The following NIPSNAP2 variants were observed in gnomAD, a reference collection of about 807,000 sequenced individuals.
NIPSNAP2 encodes protein NipSnap homolog 2.
NIPSNAP2 carries 42 observed loss-of-function variants against 48.4 expected under a neutral mutation model. The observed-to-expected ratio is 0.87, with a 90% CI of 0.68 to 1.12. The LOEUF (loss-of-function observed/expected upper bound fraction) is 1.12. NIPSNAP2 is among the 50% of genes most tolerant of loss of function. The probability of loss-of-function intolerance (pLI) is 0.00; values close to 1 mark genes in which losing one functional copy is unlikely to be tolerated. For synonymous variants in NIPSNAP2, 158 were observed against 126.6 expected (o/e 1.25, Z -1.67); for missense variants, 314 against 347.3 (o/e 0.90, Z 0.76).
At chr7:55,983,019 A>AGT (rs1562765463) in intron 5 of NIPSNAP2, among the ~76,000 whole-genome samples, 97 of 152,240 alleles carry the variant, frequency 6.4e-4, no homozygotes, top group African/African-American at 2.2e-3. Flanking sequence ...GCCACTCGGG[A>AGT]GGCTGAGGCA....
chr7:55,968,749 G>C (rs766861763), intron 1 of NIPSNAP2, among the ~76,000 whole-genome samples: 1 of 152,084 alleles, frequency 6.6e-6, no homozygotes, highest in Non-Finnish European at 1.5e-5. Flanking sequence ...TATAGGGCCG[G>C]GTGTGGTGGT....
intron 1 of NIPSNAP2, among the ~76,000 whole-genome samples, chr7:55,967,371 C>G (rs998629053): frequency 1.3e-5 from 2 of 152,238 alleles, no homozygotes; most frequent in African/African-American, 2.4e-5. Flanking sequence ...AATCCACCCT[C>G]TCCATCTTCA....
At chr7:55,995,993 TTAAC>T (rs1787555327) in intron 8 of NIPSNAP2, among the ~76,000 whole-genome samples, 1 of 151,856 alleles carries the variant, frequency 6.6e-6, no homozygotes, top group Admixed American at 6.6e-5. Flanking sequence ...AAAAATGTAA[TTAAC>T]AAGATATTGG....
chr7:55,985,020 G>T, intron 7 of NIPSNAP2, 142 bp downstream of exon 7: 1 of 621,048 alleles, frequency 1.6e-6, no homozygotes, highest in South Asian at 2.3e-5. Flanking sequence ...TTTTTATTAT[G>T]AGATTTTTCA....
intron 7 of NIPSNAP2, among the ~76,000 whole-genome samples, chr7:55,987,546 T>C (rs573662802): frequency 6.6e-6 from 1 of 152,066 alleles, no homozygotes; most frequent in South Asian, 2.1e-4. Context: ...GAGAATCACT[T>C]GAACCCGGGA....
Position 55,982,712 on chromosome 7 carries a change from A to C in NIPSNAP2, c.444+432A>C, listed in dbSNP as rs113283822. ...GCTTGCAGTGAGCTGAGATTGCGCC[A>C]CTGTACTCCAGCCTGGGCGACAGAG... On this transcript the variant is annotated intron_variant, in intron 5 of 9. Transcript: ENST00000322090. Among the ~76,000 whole-genome samples, 1,392 of 151,322 alleles carry C rather than the reference A, an allele frequency of 9.2e-3. 12 individuals carry two copies. Among genetic ancestry groups the C allele is most frequent in the Middle Eastern group, 0.017 (5 of 290 alleles).
intron 3 of NIPSNAP2, chr7:55,979,238 G>A (rs1165366251): frequency 6.6e-6 from 1 of 152,258 alleles, no homozygotes; most frequent in Non-Finnish European, 1.5e-5. Flanking sequence ...ATTAAAAAAT[G>A]CCCTTAAAAC....
intron 1 of NIPSNAP2, among the ~76,000 whole-genome samples, chr7:55,969,266 G>A (rs1014529128): frequency 2.0e-5 from 3 of 152,044 alleles, no homozygotes; most frequent in Non-Finnish European, 2.9e-5. Flanking sequence ...GTGTGGTGGT[G>A]GGGAGGGGAG....
chr7:55,977,453 G>A (rs62456651), intron 1 of NIPSNAP2, among the ~76,000 whole-genome samples: 27,306 of 151,930 alleles, frequency 0.18, 2,848 homozygotes, highest in Non-Finnish European at 0.23. Context: ...AAGAAAGAAT[G>A]TATTTCATTT....
rs1218671072 is a variant in NIPSNAP2 at position 55,997,463 on chromosome 7, A to G, written c.796+14A>G. On this transcript the variant is annotated intron_variant, in intron 9 of 9. Coordinates refer to ENST00000322090, the MANE Select transcript of NIPSNAP2 (RefSeq NM_001483.3). Reference sequence around the variant, plus strand: ...TATATTACACAGGTAATCTCTTAACAGCCATGAAATATGCTTTTTGTCTTA... The same window carrying G: ...TATATTACACAGGTAATCTCTTAACGGCCATGAAATATGCTTTTTGTCTTA... 1 of 1,585,800 alleles carries G rather than the reference A, an allele frequency of 6.3e-7. No homozygotes were observed. Among genetic ancestry groups the G allele is most frequent in the Non-Finnish European group, 8.7e-7 (1 of 1,154,306 alleles).
chr7:55,981,478 A>G lies in NIPSNAP2; in HGVS notation c.284A>G (p.Glu95Gly). ...CLEAYNKICQ[E>G]VLPKIHEDKH... is the part of the protein sequence containing the mutation. The stretch of plus-strand genomic sequence containing the variant: ...TGCTGTTTCTTCTCTTTAAGTCAAG[A>G]GGTGTTGCCAAAGATTCACGAAGAT... The change falls in exon 4 of 10, where the codon GAG becomes GGG. Residue 95 changes from glutamate (E) to glycine (G), a missense_variant. Around this residue, in one of 2 missense-constraint regions of NIPSNAP2, gnomAD observed 198 missense variants for 185.5 expected, o/e 1.07. Coordinates refer to ENST00000322090, the MANE Select transcript of NIPSNAP2 (RefSeq NM_001483.3). The G allele has an allele frequency of 5.0e-6, 8 of 1,612,974 alleles. No individual in the cohort carries two copies. The highest frequency in any genetic ancestry group is 6.8e-6 in the Non-Finnish European group (8 of 1,179,234).
At chr7:55,971,089 C>T (rs534340496) in intron 1 of NIPSNAP2, among the ~76,000 whole-genome samples, 2 of 152,172 alleles carry the variant, frequency 1.3e-5, no homozygotes, top group Non-Finnish European at 2.9e-5. Context: ...CCTTCCTTAT[C>T]CTCTGGAAAG....
intron 7 of NIPSNAP2, among the ~76,000 whole-genome samples, chr7:55,985,249 G>C (rs1351982794): frequency 1.3e-5 from 2 of 151,960 alleles, no homozygotes; most frequent in Non-Finnish European, 2.9e-5. Flanking sequence ...AACCAATATT[G>C]CATAAGGTTA....
At chr7:55,993,758 T>TA (rs1254562817) in intron 7 of NIPSNAP2, among the ~76,000 whole-genome samples, 1 of 152,162 alleles carries the variant, frequency 6.6e-6, no homozygotes, top group East Asian at 1.9e-4. Context: ...AAAGAGCTGA[T>TA]ACCTTTTGCA....
chr7:55,974,644 C>T (rs1032937459), intron 1 of NIPSNAP2, among the ~76,000 whole-genome samples: 3 of 151,766 alleles, frequency 2.0e-5, no homozygotes, highest in Non-Finnish European at 2.9e-5. Flanking sequence ...GTCAGGAGAT[C>T]GAGACCATCC....
chr7:55,997,882 G>A (rs1027560066), intron 9 of NIPSNAP2, among the ~76,000 whole-genome samples: 5 of 152,276 alleles, frequency 3.3e-5, no homozygotes, highest in South Asian at 2.1e-4. Context: ...TGTACAGTAT[G>A]TATCTGGGTA....
chr7:55,978,451 T>TGAG, intron 3 of NIPSNAP2, 56 bp downstream of exon 3: 1 of 1,400,324 alleles, frequency 7.1e-7, no homozygotes, highest in South Asian at 1.3e-5. Flanking sequence ...TATTTGTTAG[T>TGAG]TAATTCCACT....
chr7:55,987,906 C>T (rs548395919), intron 7 of NIPSNAP2, among the ~76,000 whole-genome samples: 1 of 152,214 alleles, frequency 6.6e-6, no homozygotes, highest in East Asian at 1.9e-4. Flanking sequence ...ATATACTGGA[C>T]ACTGCATAAA....
At chr7:55,998,201 AT>A (rs1787604516) in intron 9 of NIPSNAP2, among the ~76,000 whole-genome samples, 1 of 151,468 alleles carries the variant, frequency 6.6e-6, no homozygotes, top group South Asian at 2.1e-4. Context: ...GGAGGTGGAG[AT>A]TGTGCCACTG....
Sources: allele counts gnomAD v4.1 joint callset (sites outside exome capture counted in the v4.1 genomes callset), GRCh38; gene constraint gnomAD v4.1.1; regional missense constraint gnomAD v4.1.1; transcripts MANE v1.5; gene names NCBI Gene and HGNC (gene_info 2026-07-23, HGNC 2026-07-21).